The following XRCC5 variants were observed in gnomAD, a reference collection of about 807,000 sequenced individuals.
The protein encoded by XRCC5 is X-ray repair cross complementing 5.
In XRCC5, 12 loss-of-function variants were observed where a neutral mutation model predicts 95.7. That is an observed-to-expected ratio of 0.13 (90% CI 0.08 to 0.20). The LOEUF is 0.20. Among genes scored for constraint, XRCC5 ranks in the 10% least tolerant of loss-of-function variants. The pLI is 1.00. For missense variants in XRCC5, 595 were observed against 873.9 expected (o/e 0.68, Z 4.02); for synonymous variants, 281 against 290.3 (o/e 0.97, Z 0.33).
intron 6 of XRCC5, among the ~76,000 whole-genome samples, chr2:216,124,517 T>A (rs751726275): frequency 2.6e-5 from 4 of 152,218 alleles, no homozygotes; most frequent in Non-Finnish European, 5.9e-5. Context: ...GTTTGACTAG[T>A]AATGTTGTAT....
At chr2:216,181,913 A>T (rs1315626810) in intron 16 of XRCC5, among the ~76,000 whole-genome samples, 1 of 152,224 alleles carries the variant, frequency 6.6e-6, no homozygotes, top group Non-Finnish European at 1.5e-5. Flanking sequence ...ATTAGAAAGG[A>T]TAGAGGGGGG....
At chr2:216,197,659 T>C (rs1689754038) in intron 19 of XRCC5, among the ~76,000 whole-genome samples, 1 of 152,144 alleles carries the variant, frequency 6.6e-6, no homozygotes, top group African/African-American at 2.4e-5. Flanking sequence ...TGAACTTCAC[T>C]GTCATGGCAG....
At chr2:216,161,331 G>A (rs1221861831) in intron 15 of XRCC5, among the ~76,000 whole-genome samples, 1 of 152,134 alleles carries the variant, frequency 6.6e-6, no homozygotes, top group Non-Finnish European at 1.5e-5. Flanking sequence ...TGTGAGGGTT[G>A]GGGCCAGCAG....
Position 216,148,397 on chromosome 2 carries a change from T to A in XRCC5, c.1670+121T>A, listed in dbSNP as rs1000972072. On this transcript the variant is annotated intron_variant, in intron 14 of 20. Transcript: ENST00000392132. ...ATTTAAAAGGTGAGAGGAAGAAGCC[T>A]TTTGCTATTTGGCCCTTATATTGAA... 42 of 869,996 alleles carry A rather than the reference T, an allele frequency of 4.8e-5. No homozygotes were observed. The African/African-American group carries it at 6.3e-4, about 13-fold the overall frequency. The allele number at this position is 869,996 out of a possible 1,614,324, so 53.9% of individuals were successfully genotyped here. A position where few individuals can be genotyped will look rare whatever the true frequency, so the allele number is the denominator to read the frequency against.
At chr2:216,187,845 TC>T (rs1689532351) in intron 16 of XRCC5, among the ~76,000 whole-genome samples, 1 of 135,382 alleles carries the variant, frequency 7.4e-6, no homozygotes, top group African/African-American at 3.2e-5. Flanking sequence ...TCTCTCTCTC[TC>T]TCTCTCTCTC....
chr2:216,167,549 C>G (rs1030690089), intron 16 of XRCC5, among the ~76,000 whole-genome samples: 1 of 149,132 alleles, frequency 6.7e-6, no homozygotes, highest in Non-Finnish European at 1.5e-5. Context: ...GCAGAAATCT[C>G]TCTCGTGTGT....
chr2:216,153,581 T>A (rs1334222852), intron 14 of XRCC5, among the ~76,000 whole-genome samples: 5 of 152,228 alleles, frequency 3.3e-5, no homozygotes, highest in Admixed American at 3.3e-4. Flanking sequence ...ACACACATTA[T>A]CTGTTTGGAC....
At chr2:216,167,350 A>G (rs942871321) in intron 16 of XRCC5, among the ~76,000 whole-genome samples, 1 of 152,062 alleles carries the variant, frequency 6.6e-6, no homozygotes. Context: ...TTTCCAAGCA[A>G]TTTCAGCACT....
intron 17 of XRCC5, among the ~76,000 whole-genome samples, chr2:216,191,411 T>C (rs1689609771): frequency 1.3e-5 from 2 of 151,436 alleles, no homozygotes; most frequent in East Asian, 1.9e-4. Context: ...TTTTTTCTTT[T>C]CCTTTTTTTT....
intron 10 of XRCC5, among the ~76,000 whole-genome samples, chr2:216,136,764 A>G (rs1450775612): frequency 6.6e-6 from 1 of 152,222 alleles, no homozygotes; most frequent in Admixed American, 6.5e-5. Flanking sequence ...GACAGGAAAG[A>G]TACTGATAGC....
chr2:216,127,417 A>G (rs1696916542), intron 7 of XRCC5, 119 bp from the exon 8 acceptor site: 7 of 1,179,150 alleles, frequency 5.9e-6, no homozygotes, highest in Non-Finnish European at 6.9e-6. Flanking sequence ...AAACAAAATA[A>G]TGGAGCTAGA....
rs373225891 is a variant in XRCC5 at position 216,194,997 on chromosome 2, G to T, written c.2109+11G>T. Reference sequence around the variant, plus strand: ...GAGGAAGCCAAAAAGGTATTGAGGGGTAAACCTTTGTCTTTAGTTGAATTA... The same window carrying T: ...GAGGAAGCCAAAAAGGTATTGAGGGTTAAACCTTTGTCTTTAGTTGAATTA... On this transcript the variant is annotated intron_variant, in intron 19 of 20. Coordinates refer to ENST00000392132, the MANE Select transcript of XRCC5 (RefSeq NM_021141.4). 1.9e-6 allele frequency: 3 copies of T among 1,613,088 alleles called. No homozygotes were observed. The highest frequency in any genetic ancestry group is 2.2e-5 in the East Asian group (1 of 44,890).
chr2:216,114,880 C>T (rs1041429175), intron 2 of XRCC5, among the ~76,000 whole-genome samples: 1 of 152,186 alleles, frequency 6.6e-6, no homozygotes, highest in Non-Finnish European at 1.5e-5. Context: ...CTAGTAACCA[C>T]ACTACGCATG....
intron 14 of XRCC5, among the ~76,000 whole-genome samples, chr2:216,152,558 C>T (rs1339986715): frequency 6.6e-6 from 1 of 152,046 alleles, no homozygotes; most frequent in East Asian, 1.9e-4. Flanking sequence ...CATGTACCTC[C>T]CTTCTTTTCC....
intron 16 of XRCC5, chr2:216,175,343 G>A (rs1689252762): frequency 2.1e-6 from 1 of 465,708 alleles, no homozygotes; most frequent in African/African-American, 2.0e-5. Flanking sequence ...AAAATTACTT[G>A]CACCACTTCC....
At chr2:216,135,107 GTTTGTTTGT>G (rs1395543800) in intron 10 of XRCC5, among the ~76,000 whole-genome samples, 1 of 151,744 alleles carries the variant, frequency 6.6e-6, no homozygotes, top group African/African-American at 2.4e-5. Context: ...TTGTTTGTTT[GTTTGTTTGT>G]TTTGTTTTTA....
At chr2:216,200,067 A>G (rs1023798551) in intron 19 of XRCC5, among the ~76,000 whole-genome samples, 1 of 152,114 alleles carries the variant, frequency 6.6e-6, no homozygotes, top group Non-Finnish European at 1.5e-5. Flanking sequence ...CTAGAGAGGT[A>G]AAGTTTTCTG....
At chr2:216,140,610 G>A (rs1256792624) in intron 12 of XRCC5, among the ~76,000 whole-genome samples, 2 of 152,122 alleles carry the variant, frequency 1.3e-5, no homozygotes, top group Non-Finnish European at 2.9e-5. Flanking sequence ...AGACATGTAC[G>A]CAGGTGTGAG....
intron 4 of XRCC5, among the ~76,000 whole-genome samples, chr2:216,118,236 A>G (rs545629846): frequency 2.0e-5 from 3 of 151,116 alleles, no homozygotes; most frequent in Non-Finnish European, 4.4e-5. Context: ...CAGTGGTGCC[A>G]ATATAGCTCA....
Sources: gnomAD v4.1 joint callset for allele counts (sites outside exome capture counted in the v4.1 genomes callset) on GRCh38, gnomAD v4.1.1 for gene constraint, MANE v1.5 for transcripts, NCBI Gene and HGNC (gene_info 2026-07-23, HGNC 2026-07-21) for gene names.